The following POU2F1 variants were observed in gnomAD, a reference collection of about 807,000 sequenced individuals.
POU2F1 encodes the protein POU domain, class 2, transcription factor 1.
In POU2F1, 16 loss-of-function variants were observed where a neutral mutation model predicts 84.9. The ratio of observed to expected loss-of-function variants is 0.19; its 90% confidence interval spans 0.13 to 0.29. The LOEUF is 0.29. POU2F1 is among the 10% of genes least tolerant of loss of function. POU2F1 has a pLI of 1.00. For missense variants in POU2F1, 738 were observed against 942.6 expected (o/e 0.78, Z 2.84); for synonymous variants, 368 against 368.3 (o/e 1.00, Z 0.01).
At chr1:167,222,453 C>T (rs1465248151) in intron 1 of POU2F1, among the ~76,000 whole-genome samples, 3 of 152,114 alleles carry the variant, frequency 2.0e-5, no homozygotes, top group Non-Finnish European at 4.4e-5. Flanking sequence ...ATTTTACATT[C>T]GCCCCATGTG....
intron 1 of POU2F1, among the ~76,000 whole-genome samples, chr1:167,328,799 G>A (rs149567753): frequency 2.0e-5 from 3 of 152,088 alleles, no homozygotes; most frequent in Non-Finnish European, 4.4e-5. Flanking sequence ...TTTATGCAAC[G>A]ATTTAAATTA....
intron 7 of POU2F1, among the ~76,000 whole-genome samples, chr1:167,377,268 T>C (rs943717050): frequency 2.6e-5 from 4 of 152,184 alleles, no homozygotes; most frequent in Non-Finnish European, 5.9e-5. Flanking sequence ...TATAGCTTAG[T>C]GCTTCCTAAG....
intron 1 of POU2F1, among the ~76,000 whole-genome samples, chr1:167,228,518 A>G (rs1648812292): frequency 6.6e-6 from 1 of 152,222 alleles, no homozygotes; most frequent in Non-Finnish European, 1.5e-5. Flanking sequence ...TTTGGGAGAA[A>G]TTCTTACCTG....
chr1:167,228,556 T>C (rs1009717302), intron 1 of POU2F1, among the ~76,000 whole-genome samples: 6 of 152,256 alleles, frequency 3.9e-5, no homozygotes, highest in African/African-American at 1.2e-4. Context: ...TATTTGTTTT[T>C]AGTCTTATGG....
At chr1:167,222,403 C>A (rs935958351) in intron 1 of POU2F1, among the ~76,000 whole-genome samples, 1 of 152,138 alleles carries the variant, frequency 6.6e-6, no homozygotes, top group Non-Finnish European at 1.5e-5. Flanking sequence ...GTAATTCAGA[C>A]CTTTAATAAC....
rs541428589 is a variant in POU2F1, at chr1:167,254,067, G to T, written c.61+33109G>T. The stretch of plus-strand genomic sequence containing the variant: ...AATATTTCAGACTCCTGTATTATAT[G>T]GTGAATTAAATTGCTTCACTGGCAC... On this transcript the variant is annotated intron_variant, in intron 1 of 15. Coordinates refer to ENST00000367866, the MANE Select transcript of POU2F1 (RefSeq NM_002697.4). Among the ~76,000 whole-genome samples the T allele has an allele frequency of 1.1e-4, 17 of 152,190 alleles. 2 individuals are homozygous for T. In the South Asian group the frequency reaches 3.5e-3, roughly 32 times the overall value.
At chr1:167,278,733 C>G (rs1276779182) in intron 1 of POU2F1, among the ~76,000 whole-genome samples, 1 of 151,926 alleles carries the variant, frequency 6.6e-6, no homozygotes, top group East Asian at 1.9e-4. Context: ...TTTCAGCAAG[C>G]GTTTCAGTGC....
chr1:167,360,052 A>C (rs1236784023), intron 2 of POU2F1, among the ~76,000 whole-genome samples: 1 of 151,630 alleles, frequency 6.6e-6, no homozygotes, highest in Non-Finnish European at 1.5e-5. Context: ...TAAGTTCCTT[A>C]TAGATTTTGG....
intron 3 of POU2F1, among the ~76,000 whole-genome samples, chr1:167,369,368 ATT>A (rs1659868880): frequency 6.6e-6 from 1 of 152,118 alleles, no homozygotes; most frequent in Non-Finnish European, 1.5e-5. Flanking sequence ...AAAAGATACT[ATT>A]TTACCCTTTG....
At chr1:167,351,849 C>G (rs1658605539) in intron 2 of POU2F1, among the ~76,000 whole-genome samples, 1 of 152,066 alleles carries the variant, frequency 6.6e-6, no homozygotes, top group Admixed American at 6.5e-5. Flanking sequence ...CCTTCTTTCC[C>G]TAATGTGTAA....
chr1:167,353,972 A>G (rs946586887), intron 2 of POU2F1, among the ~76,000 whole-genome samples: 6 of 152,188 alleles, frequency 3.9e-5, no homozygotes, highest in Admixed American at 1.3e-4. Flanking sequence ...TTTATCCTCA[A>G]ATAACACATT....
chr1:167,263,291 G>A (rs1217135237), intron 1 of POU2F1, among the ~76,000 whole-genome samples: 2 of 152,108 alleles, frequency 1.3e-5, no homozygotes, highest in Admixed American at 1.3e-4. Context: ...AGGCCGAGGC[G>A]AGTGGATCAC....
At chr1:167,307,075 A>G (rs575133141) in intron 1 of POU2F1, among the ~76,000 whole-genome samples, 30 of 152,338 alleles carry the variant, frequency 2.0e-4, no homozygotes, top group Admixed American at 1.8e-3. Flanking sequence ...TTCATTTTCT[A>G]ATACTGGCTT....
At chr1:167,267,058 T>C (rs765570645) in intron 1 of POU2F1, among the ~76,000 whole-genome samples, 2 of 152,180 alleles carry the variant, frequency 1.3e-5, no homozygotes, top group Non-Finnish European at 2.9e-5. Context: ...ACCCAATACC[T>C]GTATTAATAG....
At chr1:167,286,177 T>A (rs1279744523) in intron 1 of POU2F1, among the ~76,000 whole-genome samples, 1 of 152,220 alleles carries the variant, frequency 6.6e-6, no homozygotes, top group African/African-American at 2.4e-5. Flanking sequence ...TTTTAATATA[T>A]ATGCCAAGTT....
intron 12 of POU2F1, among the ~76,000 whole-genome samples, chr1:167,399,781 C>T (rs1324265435): frequency 6.6e-6 from 1 of 151,342 alleles, no homozygotes; most frequent in Admixed American, 6.6e-5. Flanking sequence ...TCAAGCGATT[C>T]TTGTGCCTTG....
chr1:167,279,864 G>A (rs143139255), intron 1 of POU2F1, among the ~76,000 whole-genome samples: 2 of 152,198 alleles, frequency 1.3e-5, no homozygotes, highest in Non-Finnish European at 2.9e-5. Context: ...AACTATGTTT[G>A]GAAACATAGG....
At chr1:167,276,341 G>A (rs2102484301) in intron 1 of POU2F1, among the ~76,000 whole-genome samples, 1 of 152,108 alleles carries the variant, frequency 6.6e-6, no homozygotes, top group Non-Finnish European at 1.5e-5. Flanking sequence ...TACTTATAGT[G>A]GTCCCAAGGT....
chr1:167,379,067 T>C (rs1405915930), intron 7 of POU2F1: 1 of 151,810 alleles, frequency 6.6e-6, no homozygotes, highest in East Asian at 1.9e-4. Context: ...GGGAGTACAG[T>C]GTGTACTACC....
Sources: gnomAD v4.1 joint callset for allele counts (sites outside exome capture counted in the v4.1 genomes callset) on GRCh38, gnomAD v4.1.1 for gene constraint, MANE v1.5 for transcripts, NCBI Gene and HGNC (gene_info 2026-07-23, HGNC 2026-07-21) for gene names.